ALPK1: variants seen among roughly 807,000 people sequenced by gnomAD.
ALPK1 encodes the protein alpha kinase 1.
Under a neutral mutation model 120.6 loss-of-function variants are expected in ALPK1, and 110 were observed. The observed-to-expected ratio is 0.91, with a 90% CI of 0.78 to 1.07. The LOEUF is 1.07. Among genes scored for constraint, ALPK1 ranks in the 50% least tolerant of loss-of-function variants. The pLI is 0.00. For missense variants in ALPK1, 1,498 were observed against 1,483.9 expected, an observed-to-expected ratio of 1.01 and a Z score of -0.16; for synonymous variants, 582 against 560.3, an observed-to-expected ratio of 1.04 and a Z score of -0.55.
intron 11 of ALPK1, 89 bp downstream of exon 11, chr4:112,432,670 T>C: frequency 2.4e-6 from 3 of 1,271,082 alleles, no homozygotes; most frequent in Non-Finnish European, 3.3e-6. Context: ...CACTTAAAGC[T>C]CATGAAAGGT....
chr4:112,318,393 T>G (rs180694406), intron 2 of ALPK1, among the ~76,000 whole-genome samples: 11 of 152,354 alleles, frequency 7.2e-5, no homozygotes, highest in Admixed American at 1.3e-4. Flanking sequence ...AGTGTTCATT[T>G]CAGAAAAGCT....
chr4:112,398,189 G>A (rs1016483976), intron 4 of ALPK1, among the ~76,000 whole-genome samples: 2 of 152,180 alleles, frequency 1.3e-5, no homozygotes, highest in Admixed American at 6.5e-5. Context: ...AAAGAGTCTG[G>A]AGAATGGTGA....
Position 112,309,301 on chromosome 4 carries a change from C to T in ALPK1, c.-152-6500C>T, listed in dbSNP as rs541007786. Among the ~76,000 whole-genome samples the T allele has an allele frequency of 7.2e-5, 11 of 152,238 alleles. No individual in the cohort carries two copies. In the East Asian group the frequency reaches 9.6e-4, roughly 13 times the overall value. Reference sequence around the variant, plus strand: ...GTCAGACAGGGACATTTAAGTCTGCCGAGGTTTCTGCTGCCTTTTGTTCAG... The same window carrying T: ...GTCAGACAGGGACATTTAAGTCTGCTGAGGTTTCTGCTGCCTTTTGTTCAG... On this transcript the variant is annotated intron_variant, in intron 1 of 15. Coordinates refer to ENST00000650871, the MANE Select transcript of ALPK1 (RefSeq NM_025144.4).
intron 2 of ALPK1, among the ~76,000 whole-genome samples, chr4:112,365,727 A>C (rs1731118772): frequency 6.6e-6 from 1 of 152,196 alleles, no homozygotes; most frequent in Non-Finnish European, 1.5e-5. Flanking sequence ...ATATGGAACC[A>C]AAAAAGAGAC....
intron 1 of ALPK1, among the ~76,000 whole-genome samples, chr4:112,312,596 A>G (rs1728458086): frequency 6.6e-6 from 1 of 152,214 alleles, no homozygotes; most frequent in African/African-American, 2.4e-5. Flanking sequence ...TATATTAAAG[A>G]CAAATACAGC....
chr4:112,427,632 T>G lies in ALPK1; in HGVS notation c.762T>G (p.Tyr254Ter). 1 of 1,613,890 alleles carries G rather than the reference T, an allele frequency of 6.2e-7. No individual in the cohort carries two copies. Among genetic ancestry groups the G allele is most frequent in the East Asian group, 2.2e-5 (1 of 44,886 alleles). ...DIFVSMSKND[Y>*]EKFKNNPQIN... ...TTGTTTCCATGAGCAAGAACGATTA[T>G]GAAAAGTTTAAAAACAATCCACAAA... Residue 254 changes from tyrosine (Y) to a stop codon, truncating the protein, a stop_gained, in exon 9 of 16, where the codon TAT becomes TAG. Coordinates refer to ENST00000650871, the MANE Select transcript of ALPK1 (RefSeq NM_025144.4). LOFTEE classifies it high-confidence loss of function.
At chr4:112,321,394 T>A (rs1329774586) in intron 2 of ALPK1, among the ~76,000 whole-genome samples, 1 of 152,116 alleles carries the variant, frequency 6.6e-6, no homozygotes, top group East Asian at 1.9e-4. Context: ...TGGGTTTGGG[T>A]TTGGTTTGTT....
At chr4:112,348,575 A>G (rs11098152) in intron 2 of ALPK1, among the ~76,000 whole-genome samples, 106,286 of 152,158 alleles carry the variant, frequency 0.7, 37,495 homozygotes, top group East Asian at 0.9. Context: ...ATAGCTTGGC[A>G]TGTGGGTGTT....
At position 112,431,278 on chromosome 4, in the gene ALPK1, C is replaced by A. The variant is rs761903950; in HGVS notation, c.1731C>A (p.Ser577Arg). The A allele has an allele frequency of 2.0e-5, 32 of 1,614,134 alleles. No individual in the cohort carries two copies. The East Asian group carries it at 7.1e-4, about 36-fold the overall frequency. ...GAVFNKSLSG[S>R]QTSSAWSNLS... Reference sequence around the variant, plus strand: ...TTTTCAACAAGTCTCTGAGTGGCAGCCAGACTTCCAGTGCTTGGAGCAACT... The same window carrying A: ...TTTTCAACAAGTCTCTGAGTGGCAGACAGACTTCCAGTGCTTGGAGCAACT... Residue 577 changes from serine to arginine, a missense_variant, in exon 11 of 16, where the codon AGC (serine) becomes AGA (arginine). Ser to Arg is a moderately radical substitution (Grantham distance 110). Coordinates refer to ENST00000650871, the MANE Select transcript of ALPK1 (RefSeq NM_025144.4).
At chr4:112,391,469 G>T (rs993960027) in intron 4 of ALPK1, among the ~76,000 whole-genome samples, 1 of 152,176 alleles carries the variant, frequency 6.6e-6, no homozygotes, top group African/African-American at 2.4e-5. Context: ...ATGCATTAAA[G>T]TCTTATCCCT....
Position 112,319,748 on chromosome 4 carries a change from A to C in ALPK1, c.-101+3896A>C, listed in dbSNP as rs915623904. ...CAGTATTTTGTAGTTTTCCTTGTAGAGGTTTTTCACCTCCTTGGTTAAGCA... is the reference window on the plus strand; with the variant it reads ...CAGTATTTTGTAGTTTTCCTTGTAGCGGTTTTTCACCTCCTTGGTTAAGCA... On this transcript the variant is annotated intron_variant, in intron 2 of 15. Transcript: ENST00000650871. 2.0e-5 allele frequency among the ~76,000 whole-genome samples: 3 copies of C among 152,250 alleles called. No homozygotes were observed. The East Asian group carries it at 5.8e-4, about 29-fold the overall frequency.
intron 3 of ALPK1, among the ~76,000 whole-genome samples, chr4:112,379,480 C>A (rs1731809181): frequency 1.3e-5 from 2 of 152,234 alleles, no homozygotes; most frequent in Non-Finnish European, 2.9e-5. Context: ...AGCCCCAGCC[C>A]AAGGGCGGCG....
chr4:112,354,011 T>C (rs961160369), intron 2 of ALPK1, among the ~76,000 whole-genome samples: 2 of 152,264 alleles, frequency 1.3e-5, no homozygotes, highest in East Asian at 1.9e-4. Context: ...TCCTGTGAAG[T>C]GTCTGTTCAA....
intron 13 of ALPK1, 75 bp downstream of exon 13, chr4:112,438,721 C>T (rs1004603050): frequency 2.0e-5 from 30 of 1,516,698 alleles, no homozygotes; most frequent in Admixed American, 5.3e-5. Flanking sequence ...GTATCTGGTT[C>T]CACATAATCA....
At chr4:112,298,557 C>G (rs150174499) in intron 1 of ALPK1, among the ~76,000 whole-genome samples, 25 of 152,268 alleles carry the variant, frequency 1.6e-4, no homozygotes, top group African/African-American at 5.5e-4. Context: ...AGATGAATCT[C>G]TCAAATTTCT....
chr4:112,340,306 A>G (rs1375007805), intron 2 of ALPK1, among the ~76,000 whole-genome samples: 1 of 152,186 alleles, frequency 6.6e-6, no homozygotes, highest in Non-Finnish European at 1.5e-5. Context: ...AATATAGAAA[A>G]CCTTCAAAAC....
intron 2 of ALPK1, among the ~76,000 whole-genome samples, chr4:112,325,620 C>T (rs377090514): frequency 1.3e-5 from 2 of 152,172 alleles, no homozygotes; most frequent in Admixed American, 6.5e-5. Context: ...ACGGGGCAAT[C>T]GTACGGCGTT....
intron 5 of ALPK1, among the ~76,000 whole-genome samples, chr4:112,419,409 G>T (rs1271064758): frequency 6.6e-6 from 1 of 152,050 alleles, no homozygotes; most frequent in Non-Finnish European, 1.5e-5. Context: ...CAAGTTGGGG[G>T]AGAAGATAGA....
At chr4:112,337,753 T>TAA (rs1234534428) in intron 2 of ALPK1, among the ~76,000 whole-genome samples, 6 of 152,054 alleles carry the variant, frequency 3.9e-5, no homozygotes, top group Admixed American at 3.9e-4. Flanking sequence ...AGTGGCTCAA[T>TAA]AAAAAAATTT....
Sources: gnomAD v4.1 joint callset for allele counts (sites outside exome capture counted in the v4.1 genomes callset) on GRCh38, gnomAD v4.1.1 for gene constraint, MANE v1.5 for transcripts, NCBI Gene and HGNC (gene_info 2026-07-23, HGNC 2026-07-21) for gene names.